Variants in DPF3 observed in about 807,000 individuals in gnomAD.
The protein encoded by DPF3 is double PHD fingers 3, also known as zinc finger protein DPF3.
In DPF3, 18 loss-of-function variants were observed where a neutral mutation model predicts 56.8. The observed-to-expected ratio is 0.32, with a 90% CI of 0.22 to 0.47. DPF3 has a LOEUF of 0.47. DPF3 is among the 20% of genes least tolerant of loss of function. DPF3 has a pLI of 1.00. For synonymous variants in DPF3, 188 were observed against 180.2 expected (o/e 1.04, Z -0.35); for missense variants, 403 against 488.8 (o/e 0.82, Z 1.65).
chr14:72,657,753 A>G (rs1886097616), intron 8 of DPF3, among the ~76,000 whole-genome samples: 1 of 152,184 alleles, frequency 6.6e-6, no homozygotes, highest in Non-Finnish European at 1.5e-5. Context: ...TTTTATTGGA[A>G]CACAGCCATG....
intron 9 of DPF3, among the ~76,000 whole-genome samples, chr14:72,628,515 A>G (rs1308669754): frequency 6.6e-6 from 1 of 152,188 alleles, no homozygotes; most frequent in African/African-American, 2.4e-5. Context: ...TGCAACCCCT[A>G]ACAAAATAGT....
chr14:72,620,057 C>G, intron 9 of DPF3, 73 bp from the exon 10 acceptor site: 1 of 1,425,316 alleles, frequency 7.0e-7, no homozygotes, highest in Non-Finnish European at 9.3e-7. Flanking sequence ...CCCCCGCTTA[C>G]CCATCAGCCT....
At position 72,634,779 on chromosome 14, in the gene DPF3, GA is replaced by G. The variant is rs538915445; in HGVS notation, c.872-5044del. Among the ~76,000 whole-genome samples, 479 of 152,140 alleles carry G rather than the reference GA, an allele frequency of 3.1e-3. 1 individual carries two copies. The highest frequency in any genetic ancestry group is 5.3e-3 in the Non-Finnish European group (361 of 67,964). On this transcript the variant is annotated intron_variant, in intron 8 of 10. Transcript: ENST00000556509. Reference sequence around the variant, plus strand: ...ATAGCCCCAGTTTTCTTTAGAGCAAGAAATACCCATATTGCTATTTAAATAG... The same window carrying G: ...ATAGCCCCAGTTTTCTTTAGAGCAAGAATACCCATATTGCTATTTAAATAG...
chr14:72,782,641 T>G (rs1470250852), intron 1 of DPF3, among the ~76,000 whole-genome samples: 3 of 152,146 alleles, frequency 2.0e-5, no homozygotes, highest in Non-Finnish European at 4.4e-5. Context: ...GAGATCAGCC[T>G]GGCCAACACA....
At chr14:72,827,312 G>A (rs1018366916) in intron 1 of DPF3, among the ~76,000 whole-genome samples, 5 of 151,882 alleles carry the variant, frequency 3.3e-5, no homozygotes, top group African/African-American at 1.2e-4. Context: ...AAAAGAAAAG[G>A]GTGTGTTGTC....
chr14:72,881,784 T>G (rs749376371), intron 1 of DPF3, among the ~76,000 whole-genome samples: 4 of 152,062 alleles, frequency 2.6e-5, no homozygotes, highest in Non-Finnish European at 5.9e-5. Flanking sequence ...GGCAAGGGGC[T>G]TCAGGAGGGG....
At chr14:72,712,991 G>A (rs377680814) in intron 6 of DPF3, among the ~76,000 whole-genome samples, 1 of 152,400 alleles carries the variant, frequency 6.6e-6, no homozygotes, top group South Asian at 2.1e-4. Context: ...CAGCTAGAAA[G>A]CCCAAGACGG....
intron 3 of DPF3, among the ~76,000 whole-genome samples, chr14:72,751,240 T>C (rs74745963): frequency 0.012 from 1,842 of 152,332 alleles, 39 homozygotes; most frequent in African/African-American, 0.043. Context: ...TGTAACTGTA[T>C]TACCTACTCA....
chr14:72,732,071 G>A (rs535515407), intron 3 of DPF3, 137 bp from the exon 4 acceptor site: 12 of 1,144,388 alleles, frequency 1.0e-5, no homozygotes, highest in African/African-American at 1.6e-5. Context: ...GGAGGGAGAG[G>A]AACACTGGAG....
intron 1 of DPF3, among the ~76,000 whole-genome samples, chr14:72,793,535 G>T (rs1435820720): frequency 6.6e-6 from 1 of 152,184 alleles, no homozygotes; most frequent in Non-Finnish European, 1.5e-5. Flanking sequence ...TTCATGCTAA[G>T]TTTATCTCCA....
chr14:72,718,231 T>C (rs1054681896), intron 5 of DPF3, among the ~76,000 whole-genome samples: 1 of 152,214 alleles, frequency 6.6e-6, no homozygotes, highest in Non-Finnish European at 1.5e-5. Flanking sequence ...CAAAGGTTGC[T>C]CAAATTTGGG....
intron 1 of DPF3, among the ~76,000 whole-genome samples, chr14:72,867,729 A>G (rs2140106925): frequency 6.6e-6 from 1 of 152,136 alleles, no homozygotes; most frequent in South Asian, 2.1e-4. Context: ...ATCTTCCACA[A>G]TAAGTTTGTT....
chr14:72,743,580 G>C (rs1293996977), intron 3 of DPF3, among the ~76,000 whole-genome samples: 2 of 145,372 alleles, frequency 1.4e-5, no homozygotes, highest in African/African-American at 5.2e-5. Context: ...TTTGTTCCCA[G>C]CCTTTGTCTT....
chr14:72,718,771 A>ATCTTTTTTTTTTTTTTT (rs1555499939), intron 5 of DPF3, among the ~76,000 whole-genome samples: 3 of 93,896 alleles, frequency 3.2e-5, no homozygotes, highest in Non-Finnish European at 3.8e-5. Flanking sequence ...CACCCTTGCT[A>ATCTTTTTTTTTTTTTTT]TTTTTTTTTT....
chr14:72,634,462 A>G (rs1885331005), intron 8 of DPF3, among the ~76,000 whole-genome samples: 1 of 152,198 alleles, frequency 6.6e-6, no homozygotes, highest in African/African-American at 2.4e-5. Flanking sequence ...CACTGGTCTT[A>G]CTTTTGCCCA....
At chr14:72,890,651 T>C (rs1274551362) in intron 1 of DPF3, among the ~76,000 whole-genome samples, 1 of 152,212 alleles carries the variant, frequency 6.6e-6, no homozygotes, top group African/African-American at 2.4e-5. Context: ...CTCGCTTGTA[T>C]ATGTAAGAAA....
chr14:72,732,676 A>G (rs963788058), intron 3 of DPF3, among the ~76,000 whole-genome samples: 3 of 152,150 alleles, frequency 2.0e-5, no homozygotes, highest in African/African-American at 7.2e-5. Flanking sequence ...TGAGAAGAGA[A>G]GCCCTGGGGT....
intron 1 of DPF3, among the ~76,000 whole-genome samples, chr14:72,874,226 C>A (rs540435710): frequency 2.0e-5 from 3 of 151,256 alleles, no homozygotes; most frequent in Non-Finnish European, 2.9e-5. Context: ...CACCTATAAT[C>A]CCAGCACTTT....
chr14:72,695,772 T>C (rs1241501106), intron 6 of DPF3, among the ~76,000 whole-genome samples: 1 of 152,104 alleles, frequency 6.6e-6, no homozygotes, highest in Non-Finnish European at 1.5e-5. Context: ...GGATGATGGG[T>C]TTAATAGAAG....
Sources: allele counts gnomAD v4.1 joint callset (sites outside exome capture counted in the v4.1 genomes callset), GRCh38; gene constraint gnomAD v4.1.1; transcripts MANE v1.5; gene names NCBI Gene and HGNC (gene_info 2026-07-23, HGNC 2026-07-21).